SOS2: variants seen among roughly 807,000 people sequenced by gnomAD.
SOS2 encodes the protein SOS Ras/Rho guanine nucleotide exchange factor 2.
A neutral mutation model predicts 148.2 loss-of-function variants in SOS2; 65 were observed. That is an observed-to-expected ratio of 0.44 (90% CI 0.36 to 0.54). The LOEUF is 0.54. Among genes scored for constraint, SOS2 ranks in the 20% least tolerant of loss-of-function variants. The pLI is 0.00. For missense variants in SOS2, 1,341 were observed against 1,590.2 expected, an observed-to-expected ratio of 0.84 and a Z score of 2.67; for synonymous variants, 539 against 537.1, an observed-to-expected ratio of 1.00 and a Z score of -0.05.
chr14:50,131,599 G>C (rs1427245844), intron 19 of SOS2, among the ~76,000 whole-genome samples: 1 of 150,776 alleles, frequency 6.6e-6, no homozygotes, highest in Non-Finnish European at 1.5e-5. Flanking sequence ...GAGATACTAA[G>C]AAGGATAACA....
chr14:50,138,504 G>A, intron 18 of SOS2, 108 bp downstream of exon 18: 2 of 513,066 alleles, frequency 3.9e-6, no homozygotes, highest in Non-Finnish European at 6.9e-6. Context: ...ATTATGGACT[G>A]TAGTCACCCT....
At chr14:50,231,682 G>A (rs1242127998), upstream of SOS2, 10 of 160,350 alleles carry the variant, frequency 6.2e-5, no homozygotes, top group East Asian at 1.8e-4. Flanking sequence ...GGTGAGCAGC[G>A]GCGGCGGCGG....
At chr14:50,220,709 G>C (rs1887178160) in intron 1 of SOS2, among the ~76,000 whole-genome samples, 2 of 152,054 alleles carry the variant, frequency 1.3e-5, no homozygotes. Flanking sequence ...CTTTCACAAT[G>C]TAAGTTTATT....
At chr14:50,189,070 C>T (rs201465769) in intron 4 of SOS2, among the ~76,000 whole-genome samples, 25,544 of 147,236 alleles carry the variant, frequency 0.17, 2,389 homozygotes, top group East Asian at 0.4. Context: ...ATCACACACA[C>T]ACACACACAC....
At position 50,142,719 on chromosome 14, in the gene SOS2, T is replaced by G. The variant is rs569981999; in HGVS notation, c.2667+2451A>C. 3.9e-5 allele frequency among the ~76,000 whole-genome samples: 6 copies of G among 152,354 alleles called. No individual in the cohort carries two copies. In the South Asian group the frequency reaches 1.2e-3, roughly 32 times the overall value. On this transcript the variant is annotated intron_variant, in intron 16 of 22. Coordinates refer to ENST00000216373, the MANE Select transcript of SOS2 (RefSeq NM_006939.4). The stretch of plus-strand genomic sequence containing the variant: ...ATGTATTTAATCATTCTCTTACTGA[T>G]AGACATTCAGGTTGTTTCCTGTTTT...
intron 8 of SOS2, among the ~76,000 whole-genome samples, chr14:50,165,336 T>C (rs972447936): frequency 2.6e-5 from 4 of 152,222 alleles, no homozygotes; most frequent in African/African-American, 7.2e-5. Context: ...CATGTTTCTA[T>C]TGTCTCTTTT....
intron 4 of SOS2, among the ~76,000 whole-genome samples, chr14:50,195,579 T>G (rs962872122): frequency 3.3e-5 from 5 of 152,048 alleles, no homozygotes; most frequent in Non-Finnish European, 4.4e-5. Flanking sequence ...CTGGGCAACA[T>G]AGCAAGACCC....
intron 1 of SOS2, among the ~76,000 whole-genome samples, chr14:50,213,446 T>A (rs1023115894): frequency 3.3e-5 from 5 of 152,126 alleles, no homozygotes; most frequent in East Asian, 1.9e-4. Flanking sequence ...GCCTATGATC[T>A]CAGCACTTTG....
At chr14:50,146,107 T>C (rs1594970707) in intron 14 of SOS2, among the ~76,000 whole-genome samples, 1 of 139,614 alleles carries the variant, frequency 7.2e-6, no homozygotes, top group Non-Finnish European at 1.5e-5. Flanking sequence ...CACTCCAGCC[T>C]GGGCAACAAG....
At chr14:50,186,048 C>A (rs540984149) in intron 5 of SOS2, among the ~76,000 whole-genome samples, 1 of 152,022 alleles carries the variant, frequency 6.6e-6, no homozygotes, top group Non-Finnish European at 1.5e-5. Context: ...TCCAGAAATG[C>A]GAGCTTTTTG....
At chr14:50,138,860 A>T (rs1358140536) in intron 17 of SOS2, 76 bp from the exon 18 acceptor site, 1 of 585,184 alleles carries the variant, frequency 1.7e-6, no homozygotes. Context: ...TGGGAAAACA[A>T]CTGATCTAGT....
chr14:50,226,013 C>CG (rs1555324739), intron 1 of SOS2, among the ~76,000 whole-genome samples: 1 of 151,900 alleles, frequency 6.6e-6, no homozygotes, highest in East Asian at 1.9e-4. Context: ...CCTTCCCCCC[C>CG]GCCCTTTTTT....
chr14:50,138,813 A>G, intron 17 of SOS2, 29 bp from the exon 18 acceptor site: 2 of 757,022 alleles, frequency 2.6e-6, no homozygotes, highest in Non-Finnish European at 4.0e-6. Context: ...GAATTTAAAG[A>G]AAAGTTATTT....
At chr14:50,120,567 C>T (rs1566815542) in intron 21 of SOS2, among the ~76,000 whole-genome samples, 183 bp from the exon 22 acceptor site, 1 of 152,106 alleles carries the variant, frequency 6.6e-6, no homozygotes, top group Admixed American at 6.5e-5. Flanking sequence ...GTGTCTCTAG[C>T]ACCAACCATA....
chr14:50,158,671 G>T (rs769558488), intron 10 of SOS2, 25 bp from the exon 11 acceptor site: 14 of 1,449,884 alleles, frequency 9.7e-6, no homozygotes, highest in Admixed American at 1.8e-5. Flanking sequence ...CATAAAATAG[G>T]TTTCATGTTT....
intron 12 of SOS2, among the ~76,000 whole-genome samples, chr14:50,153,741 T>A (rs1220258875): frequency 6.6e-6 from 1 of 152,148 alleles, no homozygotes; most frequent in African/African-American, 2.4e-5. Context: ...GCCTCCCAAG[T>A]AGCTGGGATT....
chr14:50,129,942 CAACTT>C lies in SOS2; in HGVS notation c.3379+14_3379+18del, dbSNP rs1883812930. ...TCTTTACAGTCATTTCATTAAGAAT[CAACTT>C]AAATTATACTTACTTGAATGTGGCA... On this transcript the variant is annotated intron_variant, in intron 21 of 22. Transcript: ENST00000216373. 2.0e-6 allele frequency: 3 copies of C among 1,487,162 alleles called. No homozygotes were observed. Among genetic ancestry groups the C allele is most frequent in the Non-Finnish European group, 1.9e-6 (2 of 1,074,860 alleles). 92.1% of individuals were successfully genotyped at this position (1,487,162 alleles called of 1,614,324 possible).
Position 50,125,546 on chromosome 14 carries a change from G to A in SOS2, c.3379+4415C>T, listed in dbSNP as rs1335718672. 3.3e-5 allele frequency among the ~76,000 whole-genome samples: 5 copies of A among 152,152 alleles called. No homozygotes were observed. In the East Asian group the frequency reaches 9.6e-4, roughly 29 times the overall value. ...ATAAAGCCAGGAAATATATGAAGCT[G>A]AAGCTTTAATTCATGAAGGTAGATT... On this transcript the variant is annotated intron_variant, in intron 21 of 22. Coordinates refer to ENST00000216373, the MANE Select transcript of SOS2 (RefSeq NM_006939.4).
chr14:50,147,195 TAAAC>T (rs750057681), intron 14 of SOS2, among the ~76,000 whole-genome samples: 7 of 146,750 alleles, frequency 4.8e-5, no homozygotes, highest in South Asian at 2.2e-4. Flanking sequence ...GACCCCATCT[TAAAC>T]AAACAAACAA....
Sources: allele counts gnomAD v4.1 joint callset (sites outside exome capture counted in the v4.1 genomes callset), GRCh38; gene constraint gnomAD v4.1.1; transcripts MANE v1.5; gene names NCBI Gene and HGNC (gene_info 2026-07-23, HGNC 2026-07-21).